TRAPPC3: variants seen among roughly 807,000 people sequenced by gnomAD.
TRAPPC3 encodes the protein trafficking protein particle complex 3.
TRAPPC3 carries 5 observed loss-of-function variants against 18.2 expected under a neutral mutation model. The observed-to-expected ratio is 0.28, with a 90% CI of 0.14 to 0.58. The LOEUF (loss-of-function observed/expected upper bound fraction) is 0.58. TRAPPC3 is among the 20% of genes least tolerant of loss of function. TRAPPC3 has a pLI of 0.91. For synonymous variants in TRAPPC3, 65 were observed against 84.2 expected (o/e 0.77, Z 1.25); for missense variants, 176 against 225.9 (o/e 0.78, Z 1.41).
upstream of TRAPPC3, among the ~76,000 whole-genome samples, chr1:36,151,446 T>TAA (rs201885036): frequency 6.6e-6 from 1 of 151,770 alleles, no homozygotes; most frequent in African/African-American, 2.4e-5. Context: ...AAATAAAAAT[T>TAA]AAAAAAAACA....
At chr1:36,142,405 A>G (rs748503272) in intron 1 of TRAPPC3, among the ~76,000 whole-genome samples, 9 of 152,316 alleles carry the variant, frequency 5.9e-5, no homozygotes, top group Non-Finnish European at 1.3e-4. Context: ...AAATCAGGAG[A>G]GCTTTCATTC....
At chr1:36,149,498 C>A (rs1383919941), upstream of TRAPPC3, 3 of 1,332,160 alleles carry the variant, frequency 2.3e-6, no homozygotes, top group East Asian at 5.0e-5. Flanking sequence ...ACTCACTGCG[C>A]CTGCGCGGCC....
At chr1:36,147,951 C>T (rs1570103075) in intron 1 of TRAPPC3, among the ~76,000 whole-genome samples, 1 of 152,106 alleles carries the variant, frequency 6.6e-6, no homozygotes, top group South Asian at 2.1e-4. Flanking sequence ...GAGCAAAGTA[C>T]AAAAACTAAC....
At chr1:36,138,181 GT>G (rs1054220473) in intron 3 of TRAPPC3, 1 of 1,550,604 alleles carries the variant, frequency 6.4e-7, no homozygotes. Flanking sequence ...GCATCATACA[GT>G]TTTGCCTGTC....
At chr1:36,155,918 G>T in exon 1 of TRAPPC3, 1 of 152,966 alleles carries the variant, frequency 6.5e-6, no homozygotes, top group Non-Finnish European at 1.5e-5. Flanking sequence ...ACCAAGACGC[G>T]GACGCAGGGG....
At chr1:36,149,532 G>C, upstream of TRAPPC3, 1 of 962,944 alleles carries the variant, frequency 1.0e-6, no homozygotes, top group South Asian at 1.5e-5. Flanking sequence ...CACGGGACTA[G>C]TGGTCCGGCC....
chr1:36,145,289 A>G (rs1207523021), intron 1 of TRAPPC3, among the ~76,000 whole-genome samples: 1 of 151,732 alleles, frequency 6.6e-6, no homozygotes, highest in Non-Finnish European at 1.5e-5. Flanking sequence ...TCCACCTCCC[A>G]AAGTGCAGGG....
chr1:36,137,839 T>A lies in TRAPPC3; in HGVS notation c.380A>T (p.Tyr127Phe). 6.2e-7 allele frequency: 1 copy of A among 1,614,204 alleles called. No homozygotes were observed. The highest frequency in any genetic ancestry group is 8.5e-7 in the Non-Finnish European group (1 of 1,180,026). ...CAACACCCCACACAAGAGATTGGAA[T>A]AAATAAGGGATGAGTGGTTATCAGG... ...ELPDNHSSLI[Y>F]SNLLCGVLRG... Residue 127 changes from tyrosine to phenylalanine, a missense_variant, in exon 4 of 5, where the codon TAT becomes TTT. Coordinates refer to ENST00000373166, the MANE Select transcript of TRAPPC3 (RefSeq NM_014408.5).
chr1:36,143,276 G>A lies in TRAPPC3; in HGVS notation c.43-3110C>T, dbSNP rs74354353. ...GTTGGGGGGGTGGTTAATTTTAATC[G>A]AATAATCAGGGAAGGCCTCACTAAG... On this transcript the variant is annotated intron_variant, in intron 1 of 4. Coordinates refer to ENST00000373166, the MANE Select transcript of TRAPPC3 (RefSeq NM_014408.5). Among the ~76,000 whole-genome samples the A allele has an allele frequency of 0.017, 2,655 of 152,114 alleles. 143 individuals are homozygous for A. The East Asian group carries it at 0.21, about 12-fold the overall frequency.
intron 4 of TRAPPC3, 165 bp from the exon 5 acceptor site, chr1:36,137,487 G>T: frequency 2.9e-6 from 2 of 700,468 alleles, no homozygotes. Context: ...TAAGACAATG[G>T]CTCCAACCCT....
intron 1 of TRAPPC3, among the ~76,000 whole-genome samples, chr1:36,143,417 C>T (rs1644145381): frequency 1.3e-5 from 2 of 152,100 alleles, no homozygotes; most frequent in African/African-American, 2.4e-5. Context: ...TGAGAAACAG[C>T]GGGAGACTCT....
In TRAPPC3 at chr1:36,139,769, T is replaced by G; in HGVS notation, c.191A>C (p.Asn64Thr). 1 of 1,614,112 alleles carries G rather than the reference T, an allele frequency of 6.2e-7. No homozygotes were observed. The highest frequency in any genetic ancestry group is 1.6e-4 in the Middle Eastern group (1 of 6,062). The change falls in exon 3 of 5, where the codon AAT (asparagine) becomes ACT (threonine). Residue 64 changes from asparagine to threonine, a missense_variant. Coordinates refer to ENST00000373166, the MANE Select transcript of TRAPPC3 (RefSeq NM_014408.5). ...RLIEDFLARSNVGRCHDFRET... is the reference protein window; with the variant it reads ...RLIEDFLARSTVGRCHDFRET... The stretch of plus-strand genomic sequence containing the variant: ...CCGAAAGTCATGGCACCTCCCAACA[T>G]TTGACCGAGCCAAGAAATCTTCAAT...
intron 1 of TRAPPC3, among the ~76,000 whole-genome samples, chr1:36,143,593 T>TGAA (rs1459621386): frequency 6.6e-6 from 1 of 152,230 alleles, no homozygotes; most frequent in Non-Finnish European, 1.5e-5. Context: ...ATCTCTTCAC[T>TGAA]GAACATAAGC....
At chr1:36,138,377 T>A in intron 3 of TRAPPC3, 1 of 966,712 alleles carries the variant, frequency 1.0e-6, no homozygotes, top group South Asian at 1.6e-5. Context: ...GCTACCTGAA[T>A]GCACCTTCTT....
intron 1 of TRAPPC3, among the ~76,000 whole-genome samples, chr1:36,143,934 A>C (rs1644153424): frequency 6.6e-6 from 1 of 152,202 alleles, no homozygotes; most frequent in African/African-American, 2.4e-5. Flanking sequence ...CACCTGCTGC[A>C]CAGCAGGTAC....
Position 36,144,327 on chromosome 1 carries a change from A to G in TRAPPC3, c.43-4161T>C, listed in dbSNP as rs140500544. Among the ~76,000 whole-genome samples the G allele has an allele frequency of 8.4e-3, 1,246 of 148,548 alleles. 22 individuals are homozygous for G. Among genetic ancestry groups the G allele is most frequent in the African/African-American group, 0.03 (1,185 of 40,140 alleles). ...AAAAAAAAGGGAGGGCAAGTCATAAAGAAAGAAGATTTTGAATCAATATAA... is the reference window on the plus strand; with the variant it reads ...AAAAAAAAGGGAGGGCAAGTCATAAGGAAAGAAGATTTTGAATCAATATAA... On this transcript the variant is annotated intron_variant, in intron 1 of 4. Coordinates refer to ENST00000373166, the MANE Select transcript of TRAPPC3 (RefSeq NM_014408.5).
chr1:36,154,906 T>C (rs1312125563), intron 1 of TRAPPC3, among the ~76,000 whole-genome samples: 1 of 152,192 alleles, frequency 6.6e-6, no homozygotes, highest in African/African-American at 2.4e-5. Context: ...CACTATTCCC[T>C]TCCCAGGCCT....
At chr1:36,137,628 C>T (rs140563961) in intron 4 of TRAPPC3, 168 bp downstream of exon 4, 1 of 739,608 alleles carries the variant, frequency 1.4e-6, no homozygotes, top group Non-Finnish European at 2.2e-6. Flanking sequence ...AGGAGTATCA[C>T]CATGTAAAGA....
At chr1:36,145,622 T>G (rs1487393169) in intron 1 of TRAPPC3, among the ~76,000 whole-genome samples, 2 of 152,282 alleles carry the variant, frequency 1.3e-5, no homozygotes, top group African/African-American at 4.8e-5. Context: ...TACAGGCACA[T>G]GAAGGCTACT....
Sources: gnomAD v4.1 joint callset for allele counts (sites outside exome capture counted in the v4.1 genomes callset) on GRCh38, gnomAD v4.1.1 for gene constraint, MANE v1.5 for transcripts, NCBI Gene and HGNC (gene_info 2026-07-23, HGNC 2026-07-21) for gene names.